Variants in WDR17 observed in about 807,000 individuals in gnomAD.
The protein encoded by WDR17 is WD repeat domain 17, also known as WD repeat-containing protein 17.
A neutral mutation model predicts 161.7 loss-of-function variants in WDR17; 143 were observed. The observed-to-expected ratio is 0.88, with a 90% confidence interval of 0.77 to 1.02. The LOEUF (loss-of-function observed/expected upper bound fraction) is 1.02, where lower values mean the gene tolerates loss of function less well. Among genes scored for constraint, WDR17 ranks in the 50% least tolerant of loss-of-function variants. WDR17 has a pLI of 0.00. For missense variants in WDR17, 1,469 were observed against 1,520.9 expected, an observed-to-expected ratio of 0.97 and a Z score of 0.57; for synonymous variants, 517 against 515.6, an observed-to-expected ratio of 1.00 and a Z score of -0.04.
chr4:176,080,289 A>G (rs1734575785), intron 1 of WDR17, among the ~76,000 whole-genome samples: 3 of 152,014 alleles, frequency 2.0e-5, no homozygotes. Flanking sequence ...TAGACTCAAG[A>G]TAAAAACTTG....
chr4:176,135,342 G>A (rs755863647), intron 8 of WDR17, 66 bp downstream of exon 8: 3 of 1,534,854 alleles, frequency 2.0e-6, no homozygotes, highest in Non-Finnish European at 2.7e-6. Context: ...ATTTTCATTT[G>A]AGTTACTTTC....
At chr4:176,134,861 G>A (rs1167339703) in intron 7 of WDR17, among the ~76,000 whole-genome samples, 1 of 151,614 alleles carries the variant, frequency 6.6e-6, no homozygotes, top group Non-Finnish European at 1.5e-5. Context: ...ACATCTTTGA[G>A]TTTAGTTGCT....
intron 26 of WDR17, among the ~76,000 whole-genome samples, chr4:176,175,355 A>G (rs1349427417): frequency 6.6e-6 from 1 of 152,222 alleles, no homozygotes; most frequent in African/African-American, 2.4e-5. Flanking sequence ...CCTGTTAGCC[A>G]TACTCCTACA....
intron 1 of WDR17, among the ~76,000 whole-genome samples, chr4:176,099,190 AC>A (rs1554018455): frequency 1.3e-5 from 2 of 152,168 alleles, no homozygotes; most frequent in Non-Finnish European, 2.9e-5. Flanking sequence ...TGAAAACTCA[AC>A]AACTCTTCCT....
At chr4:176,070,342 A>T (rs533119026) in intron 1 of WDR17, among the ~76,000 whole-genome samples, 129 of 152,314 alleles carry the variant, frequency 8.5e-4, no homozygotes, top group South Asian at 2.5e-3. Flanking sequence ...ACTAATATGT[A>T]GATTACCAAC....
At chr4:176,090,256 TAAAAAA>T (rs202133700) in intron 1 of WDR17, among the ~76,000 whole-genome samples, 1 of 132,472 alleles carries the variant, frequency 7.5e-6, no homozygotes, top group Non-Finnish European at 1.6e-5. Context: ...CTGGTTGTTT[TAAAAAA>T]AAAAAAAAAA....
intron 1 of WDR17, chr4:176,111,368 T>G: frequency 2.8e-6 from 1 of 361,858 alleles, no homozygotes; most frequent in Non-Finnish European, 4.8e-6. Flanking sequence ...TATTTCCTGC[T>G]TTCCTCATTT....
intron 18 of WDR17, among the ~76,000 whole-genome samples, chr4:176,159,313 GGAGAGAGAGAGAGA>G (rs149384853): frequency 7.0e-6 from 1 of 143,778 alleles, no homozygotes; most frequent in Non-Finnish European, 1.5e-5. Flanking sequence ...ACACACAGAT[GGAGAGAGAGAGAGA>G]GAGAGAGAAA....
intron 1 of WDR17, among the ~76,000 whole-genome samples, chr4:176,077,514 G>A (rs1162883168): frequency 3.3e-5 from 5 of 152,014 alleles, no homozygotes; most frequent in African/African-American, 1.2e-4. Context: ...TTAGTGTTTA[G>A]AGGAAATTCC....
chr4:176,080,925 C>T lies in WDR17; in HGVS notation c.-7+14846C>T, dbSNP rs148444048. 4.5e-3 allele frequency among the ~76,000 whole-genome samples: 692 copies of T among 152,198 alleles called. 8 individuals are homozygous for T. Among genetic ancestry groups the T allele is most frequent in the African/African-American group, 0.016 (670 of 41,546 alleles). On this transcript the variant is annotated intron_variant, in intron 1 of 28. Coordinates refer to ENST00000508596, the MANE Select transcript of WDR17 (RefSeq NM_181265.4). ...ATTTTAGGAATCTCCACCTACATGT[C>T]GCACTGACATTTTGCATTCAATATC...
Position 176,182,679 on chromosome 4 carries a change from TAAATG to T in WDR17, c.*3105_*3109del, listed in dbSNP as rs1752277323. On this transcript the variant is annotated 3_prime_UTR_variant, in exon 29 of 29. Coordinates refer to ENST00000508596, the MANE Select transcript of WDR17 (RefSeq NM_181265.4). This position sits in a 1 kb window ranked among gnomAD's most constrained non-coding sequence, Gnocchi z 4.2. ...ACCAAATCTTTGAGATATTTGTACA[TAAATG>T]AAATATGTACTTTCATGCTAAAATT... 2 of 152,190 alleles carry T rather than the reference TAAATG, an allele frequency of 1.3e-5. No homozygotes were observed. The highest frequency in any genetic ancestry group is 1.3e-4 in the Admixed American group (2 of 15,276). 9.4% of individuals were successfully genotyped at this position (152,190 alleles called of 1,614,324 possible). A position where few individuals can be genotyped will look rare whatever the true frequency, so the allele number is the denominator to read the frequency against.
At chr4:176,125,390 C>T (rs79011952) in intron 5 of WDR17, 35 bp downstream of exon 5, 22 of 1,599,806 alleles carry the variant, frequency 1.4e-5, no homozygotes, top group Admixed American at 3.4e-5. Context: ...GTTTTAAATA[C>T]GTGTATATAT....
chr4:176,142,176 T>C (rs1016065982), intron 11 of WDR17, 107 bp downstream of exon 11: 26 of 762,740 alleles, frequency 3.4e-5, no homozygotes, highest in Non-Finnish European at 4.2e-6. Flanking sequence ...ACTCTATTTA[T>C]ACAATATCCC....
At chr4:176,137,311 C>T (rs988073295) in intron 8 of WDR17, among the ~76,000 whole-genome samples, 7 of 151,418 alleles carry the variant, frequency 4.6e-5, no homozygotes, top group Non-Finnish European at 7.4e-5. Context: ...ACAAGATTGG[C>T]CCTATTTTGA....
At position 176,167,654 on chromosome 4, in the gene WDR17, A is replaced by AC. The variant is rs1459227586; in HGVS notation, c.2991-1018_2991-1017insC. ...AGCGAGACTCCGTCTCAAAAAAAAA[A>AC]AAAAAAAAAAAAAAAAAACAATATC... On this transcript the variant is annotated intron_variant, in intron 22 of 28. Transcript: ENST00000508596. Among the ~76,000 whole-genome samples, 572 of 111,934 alleles carry AC rather than the reference A, an allele frequency of 5.1e-3. 24 individuals carry two copies. The highest frequency in any genetic ancestry group is 0.016 in the African/African-American group (525 of 33,520). The allele number at this position is 111,934 out of a possible 152,430, so 73.4% of individuals were successfully genotyped here.
intron 25 of WDR17, among the ~76,000 whole-genome samples, chr4:176,174,182 T>C (rs1751138203): frequency 6.6e-6 from 1 of 152,062 alleles, no homozygotes; most frequent in Admixed American, 6.6e-5. Context: ...CTTTGGGCTC[T>C]TTTTGTTTTA....
At position 176,134,406 on chromosome 4, in the gene WDR17, G is replaced by A. The variant is rs555300131; in HGVS notation, c.1099-702G>A. 1.4e-4 allele frequency among the ~76,000 whole-genome samples: 22 copies of A among 151,742 alleles called. No homozygotes were observed. In the East Asian group the frequency reaches 1.7e-3, roughly 12 times the overall value. On this transcript the variant is annotated intron_variant, in intron 7 of 28. Coordinates refer to ENST00000508596, the MANE Select transcript of WDR17 (RefSeq NM_181265.4). ...CGGCTATTTATGTTGGACTCTTAAC[G>A]GATTTTCCCAAAGGCCCACAGTAGT...
chr4:176,160,677 A>G (rs1748901146), intron 19 of WDR17, among the ~76,000 whole-genome samples: 1 of 152,210 alleles, frequency 6.6e-6, no homozygotes, highest in Non-Finnish European at 1.5e-5. Flanking sequence ...AACTTTACAC[A>G]TGCTGCTGAA....
intron 20 of WDR17, among the ~76,000 whole-genome samples, chr4:176,161,432 T>C (rs565799055): frequency 2.4e-4 from 37 of 152,308 alleles, no homozygotes; most frequent in African/African-American, 7.9e-4. Flanking sequence ...TTTGGTCCTC[T>C]TTTAAAGAAG....
Sources: gnomAD v4.1 joint callset for allele counts (sites outside exome capture counted in the v4.1 genomes callset) on GRCh38, gnomAD v4.1.1 for gene constraint, Gnocchi (gnomAD v3.1) non-coding constraint, MANE v1.5 for transcripts, NCBI Gene and HGNC (gene_info 2026-07-23, HGNC 2026-07-21) for gene names.